The following SLIT2 variants were observed in gnomAD, a reference collection of about 807,000 sequenced individuals.
The protein encoded by SLIT2 is slit guidance ligand 2.
Under a neutral mutation model 185.7 loss-of-function variants are expected in SLIT2, and 41 were observed. The observed-to-expected ratio is 0.22, with a 90% CI of 0.17 to 0.29. The LOEUF is 0.29. SLIT2 is among the 10% of genes least tolerant of loss of function. SLIT2 has a pLI of 1.00. For synonymous variants in SLIT2, 693 were observed against 680.2 expected (o/e 1.02, Z -0.29); for missense variants, 1,571 against 1,909.0 (o/e 0.82, Z 3.30).
intron 4 of SLIT2, among the ~76,000 whole-genome samples, chr4:20,335,926 A>C (rs79750296): frequency 6.6e-6 from 1 of 151,992 alleles, no homozygotes; most frequent in Non-Finnish European, 1.5e-5. Flanking sequence ...ATTTTATAAC[A>C]ATGTGCTGCC....
chr4:20,424,371 T>C (rs1728388411), intron 4 of SLIT2, among the ~76,000 whole-genome samples: 1 of 152,106 alleles, frequency 6.6e-6, no homozygotes, highest in Non-Finnish European at 1.5e-5. Context: ...TTTAAAGTAA[T>C]TTGAGAAAAT....
Position 20,480,236 on chromosome 4 carries a change from G to T in SLIT2, c.468-480G>T, listed in dbSNP as rs920504703. Reference sequence around the variant, plus strand: ...CCTTGAAGGAAAACTGCTTTTAAAAGAAGGAAACCTAAAAGTAGTCTTGCT... The same window carrying T: ...CCTTGAAGGAAAACTGCTTTTAAAATAAGGAAACCTAAAAGTAGTCTTGCT... On this transcript the variant is annotated intron_variant, in intron 5 of 36. Transcript: ENST00000504154. Among the ~76,000 whole-genome samples the T allele has an allele frequency of 2.6e-5, 4 of 152,118 alleles. No individual in the cohort carries two copies. In the East Asian group the frequency reaches 7.7e-4, roughly 29 times the overall value.
intron 5 of SLIT2, among the ~76,000 whole-genome samples, chr4:20,477,117 G>T (rs1716195379): frequency 6.8e-6 from 1 of 146,098 alleles, no homozygotes; most frequent in Non-Finnish European, 1.5e-5. Context: ...GAACTATCTA[G>T]AGTTATTCTA....
intron 4 of SLIT2, among the ~76,000 whole-genome samples, chr4:20,339,960 A>G (rs565423479): frequency 1.3e-5 from 2 of 152,340 alleles, no homozygotes; most frequent in South Asian, 4.1e-4. Context: ...GCCTTTAAGT[A>G]TAGTAATTTG....
intron 4 of SLIT2, among the ~76,000 whole-genome samples, chr4:20,286,671 G>C (rs1055892298): frequency 6.6e-6 from 1 of 152,108 alleles, no homozygotes; most frequent in Non-Finnish European, 1.5e-5. Flanking sequence ...GCGTGGTAGC[G>C]TGTGCCTGCA....
At chr4:20,371,075 T>C (rs1723532619) in intron 4 of SLIT2, among the ~76,000 whole-genome samples, 1 of 152,074 alleles carries the variant, frequency 6.6e-6, no homozygotes, top group Non-Finnish European at 1.5e-5. Flanking sequence ...CTATCTCTAG[T>C]TGGGTCACTT....
At chr4:20,341,208 G>T (rs898949921) in intron 4 of SLIT2, among the ~76,000 whole-genome samples, 1 of 152,178 alleles carries the variant, frequency 6.6e-6, no homozygotes, top group Non-Finnish European at 1.5e-5. Context: ...CTGCTCAGAC[G>T]CATAGACTTT....
intron 4 of SLIT2, among the ~76,000 whole-genome samples, chr4:20,323,453 G>T (rs1393229067): frequency 2.0e-5 from 3 of 152,168 alleles, no homozygotes; most frequent in Non-Finnish European, 2.9e-5. Flanking sequence ...TCAATTTATT[G>T]AATGAATCAT....
intron 29 of SLIT2, among the ~76,000 whole-genome samples, chr4:20,587,939 C>T (rs879529680): frequency 5.9e-5 from 9 of 152,128 alleles, no homozygotes; most frequent in Non-Finnish European, 1.2e-4. Flanking sequence ...CTCAAATGGT[C>T]CTTCTTTACT....
At chr4:20,379,677 T>A (rs1037423313) in intron 4 of SLIT2, among the ~76,000 whole-genome samples, 3 of 152,130 alleles carry the variant, frequency 2.0e-5, no homozygotes, top group Admixed American at 2.0e-4. Flanking sequence ...TGGGATTTAC[T>A]CTCCTGCTTT....
chr4:20,301,041 A>G (rs1716991082), intron 4 of SLIT2, among the ~76,000 whole-genome samples: 2 of 152,286 alleles, frequency 1.3e-5, no homozygotes, highest in South Asian at 4.1e-4. Flanking sequence ...GGATAAATGA[A>G]TGAATGAATG....
intron 9 of SLIT2, among the ~76,000 whole-genome samples, chr4:20,504,616 C>T (rs1328968413): frequency 6.6e-6 from 1 of 152,038 alleles, no homozygotes; most frequent in South Asian, 2.1e-4. Context: ...GAGTTATCTG[C>T]AAAACTGTAC....
At chr4:20,531,568 T>C (rs1721814096) in intron 16 of SLIT2, among the ~76,000 whole-genome samples, 1 of 152,190 alleles carries the variant, frequency 6.6e-6, no homozygotes, top group Admixed American at 6.5e-5. Context: ...AACTGAATTG[T>C]ATGACTTTTA....
At chr4:20,355,897 T>C (rs1722282276) in intron 4 of SLIT2, among the ~76,000 whole-genome samples, 1 of 152,162 alleles carries the variant, frequency 6.6e-6, no homozygotes, top group African/African-American at 2.4e-5. Context: ...TATTATTAGG[T>C]CATCTAATGT....
intron 4 of SLIT2, among the ~76,000 whole-genome samples, chr4:20,315,722 A>G (rs866180273): frequency 5.3e-5 from 8 of 152,118 alleles, no homozygotes; most frequent in African/African-American, 1.7e-4. Context: ...CTTACACTAA[A>G]GACAGTACAG....
chr4:20,436,945 A>G (rs80022133), intron 4 of SLIT2, among the ~76,000 whole-genome samples: 8,155 of 152,318 alleles, frequency 0.054, 272 homozygotes, highest in Admixed American at 0.081. Context: ...GGAATGGAAA[A>G]TGCAAACTAT....
chr4:20,458,096 A>AC (rs1453117890), intron 4 of SLIT2, among the ~76,000 whole-genome samples: 2 of 151,944 alleles, frequency 1.3e-5, no homozygotes, highest in Non-Finnish European at 2.9e-5. Context: ...TGCAAAAAAA[A>AC]AAAAAAAAAA....
intron 4 of SLIT2, among the ~76,000 whole-genome samples, chr4:20,420,723 C>A (rs1728109581): frequency 6.6e-6 from 1 of 151,980 alleles, no homozygotes; most frequent in African/African-American, 2.4e-5. Context: ...AATGTTGACA[C>A]CCTAACCTCC....
In SLIT2 at chr4:20,548,492, T is replaced by G. The variant is rs2148888044; in HGVS notation, c.2350T>G (p.Leu784Val). 1 of 1,574,136 alleles carries G rather than the reference T, an allele frequency of 6.4e-7. No individual in the cohort carries two copies. The change falls in exon 23 of 37, where the codon TTA (leucine) becomes GTA (valine). Residue 784 changes from leucine (L) to valine (V), a missense_variant. Physicochemically the swap from Leu to Val is conservative, Grantham distance 32. Around this residue, in one of 3 missense-constraint regions of SLIT2, gnomAD observed 1,202 missense variants for 1,416.4 expected, o/e 0.85. Transcript: ENST00000504154. ...CCATTTCTTTTTCTCTTTTAGAGAC[T>G]TAAGTAACAACAGAATAAGCACGCT... ...SNYKHLTLID[L>V]SNNRISTLSN...
Sources: allele counts gnomAD v4.1 joint callset (sites outside exome capture counted in the v4.1 genomes callset), GRCh38; gene constraint gnomAD v4.1.1; regional missense constraint gnomAD v4.1.1; transcripts MANE v1.5; gene names NCBI Gene and HGNC (gene_info 2026-07-23, HGNC 2026-07-21).